USH1C: variants seen among roughly 807,000 people sequenced by gnomAD.
The protein encoded by USH1C is USH1 protein network component harmonin.
Under a neutral mutation model 119.3 loss-of-function variants are expected in USH1C, and 90 were observed. The ratio of observed to expected loss-of-function variants is 0.75; its 90% CI spans 0.64 to 0.90. USH1C has a LOEUF of 0.90. Ranked by LOEUF, USH1C falls within the 40% of genes least tolerant of loss-of-function variation. USH1C has a pLI of 0.00. For missense variants in USH1C, 1,165 were observed against 1,167.7 expected, an observed-to-expected ratio of 1.00 and a Z score of 0.03; for synonymous variants, 465 against 443.3, an observed-to-expected ratio of 1.05 and a Z score of -0.62.
At chr11:17,502,702 G>A (rs202016274) in intron 20 of USH1C, among the ~76,000 whole-genome samples, 1 of 152,228 alleles carries the variant, frequency 6.6e-6, no homozygotes, top group Admixed American at 6.5e-5. Flanking sequence ...GCTCCAGGGT[G>A]TAGAAACAAG....
intron 12 of USH1C, 26 bp downstream of exon 12, chr11:17,522,758 G>A (rs370832201): frequency 3.1e-6 from 5 of 1,613,670 alleles, no homozygotes; most frequent in Non-Finnish European, 4.2e-6. Flanking sequence ...AGGCGGGACA[G>A]GGCATCCAGG....
At chr11:17,495,474 C>T (rs554310705) in intron 26 of USH1C, 95 bp downstream of exon 26, 46 of 1,301,214 alleles carry the variant, frequency 3.5e-5, no homozygotes, top group South Asian at 1.3e-4. Context: ...ACCCTCCAGA[C>T]GCCAGTCCAA....
In USH1C at chr11:17,520,982, C is replaced by T. The variant is rs1321700701; in HGVS notation, c.1098G>A (p.Glu366=). The part of the protein sequence containing the change: ...YRKEMEQIVE[E]EEKFKKQWEE... Reference sequence around the variant, plus strand: ...CCCATTGCTTCTTAAACTTCTCTTCCTCCTCTACAATCCTAAAATGAGACC... The same window carrying T: ...CCCATTGCTTCTTAAACTTCTCTTCTTCCTCTACAATCCTAAAATGAGACC... The change falls in exon 14 of 27, where the codon GAG becomes GAA. Residue 366 remains glutamate (E), a synonymous_variant. Transcript: ENST00000005226. 6.2e-7 allele frequency: 1 copy of T among 1,613,942 alleles called. No individual in the cohort carries two copies. Among genetic ancestry groups the T allele is most frequent in the African/African-American group, 1.3e-5 (1 of 74,872 alleles).
chr11:17,537,879 T>C (rs1851292432), intron 1 of USH1C, among the ~76,000 whole-genome samples: 1 of 152,164 alleles, frequency 6.6e-6, no homozygotes, highest in African/African-American at 2.4e-5. Flanking sequence ...ACTTTACAGA[T>C]GAGGAAACAG....
chr11:17,517,351 G>T, intron 14 of USH1C: 1 of 1,539,974 alleles, frequency 6.5e-7, no homozygotes, highest in Non-Finnish European at 8.8e-7. Context: ...GAGGAGGCGG[G>T]CAGGGTAAAG....
At position 17,526,438 on chromosome 11, in the gene USH1C, C is replaced by T. The variant is rs760703501; in HGVS notation, c.583G>A (p.Val195Met). ...VDQFVSESGGVRGSLGSPGNR... is the reference protein window; with the variant it reads ...VDQFVSESGGMRGSLGSPGNR... ...CCAGGGGAGCCCAGGCTGCCTCGCA[C>T]GCCCTGAAAGAGAGATAGAAGCAGA... The change falls in exon 8 of 27, where the codon GTG (valine) becomes ATG (methionine). Residue 195 changes from valine to methionine, a missense_variant. Val to Met is a conservative substitution (Grantham distance 21). Coordinates refer to ENST00000005226, the MANE Select transcript of USH1C (RefSeq NM_153676.4). 1.2e-5 allele frequency: 20 copies of T among 1,613,812 alleles called. No individual in the cohort carries two copies. Among genetic ancestry groups the T allele is most frequent in the East Asian group, 2.2e-5 (1 of 44,870 alleles).
At chr11:17,536,488 T>C (rs1252534282) in intron 1 of USH1C, among the ~76,000 whole-genome samples, 1 of 152,190 alleles carries the variant, frequency 6.6e-6, no homozygotes, top group African/African-American at 2.4e-5. Flanking sequence ...CACAGATCAC[T>C]TGGAGATGGT....
chr11:17,517,854 C>A (rs1357096631), intron 14 of USH1C, among the ~76,000 whole-genome samples: 1 of 152,202 alleles, frequency 6.6e-6, no homozygotes, highest in Non-Finnish European at 1.5e-5. Flanking sequence ...GGAGAACAGA[C>A]CCTCCAGCCT....
At chr11:17,529,536 A>G (rs1288962505) in intron 4 of USH1C, among the ~76,000 whole-genome samples, 2 of 152,214 alleles carry the variant, frequency 1.3e-5, no homozygotes, top group African/African-American at 4.8e-5. Flanking sequence ...AACCCCAGAC[A>G]GGTCAATGGA....
chr11:17,520,313 C>T (rs1850353724), intron 14 of USH1C, among the ~76,000 whole-genome samples: 1 of 152,126 alleles, frequency 6.6e-6, no homozygotes. Flanking sequence ...ACAGCCACAG[C>T]CCATAGCTGG....
At chr11:17,518,573 G>C (rs1327972534) in intron 14 of USH1C, among the ~76,000 whole-genome samples, 1 of 152,212 alleles carries the variant, frequency 6.6e-6, no homozygotes, top group Non-Finnish European at 1.5e-5. Context: ...AAAATGTTGG[G>C]GGTCTGCTGG....
intron 1 of USH1C, among the ~76,000 whole-genome samples, chr11:17,538,643 T>C (rs1040307576): frequency 6.6e-6 from 1 of 152,162 alleles, no homozygotes; most frequent in Non-Finnish European, 1.5e-5. Flanking sequence ...GCTAGATCTT[T>C]TCCTTTCATG....
chr11:17,535,055 C>G (rs542898989), intron 1 of USH1C, among the ~76,000 whole-genome samples: 2 of 152,226 alleles, frequency 1.3e-5, no homozygotes, highest in Non-Finnish European at 2.9e-5. Flanking sequence ...GGCAGGGGTG[C>G]CTCCCTGAGA....
chr11:17,498,639 A>G (rs979241053), intron 23 of USH1C, among the ~76,000 whole-genome samples: 3 of 152,056 alleles, frequency 2.0e-5, no homozygotes, highest in Non-Finnish European at 4.4e-5. Flanking sequence ...CAGGTCCCTG[A>G]GCTGCCATGC....
At chr11:17,536,421 A>G (rs2133942066) in intron 1 of USH1C, among the ~76,000 whole-genome samples, 1 of 152,332 alleles carries the variant, frequency 6.6e-6, no homozygotes, top group East Asian at 1.9e-4. Context: ...TAGAAGAGTA[A>G]GGTAACTTGC....
intron 15 of USH1C, among the ~76,000 whole-genome samples, chr11:17,513,125 T>C (rs72868496): frequency 0.063 from 9,644 of 152,244 alleles, 430 homozygotes; most frequent in South Asian, 0.23. Context: ...TAACTGATAG[T>C]ACCAGGATTT....
rs1232763172 is a variant in USH1C, at chr11:17,509,355, C to A, written c.2013+1G>T. On this transcript the variant is annotated splice_donor_variant, in intron 18 of 26. Transcript: ENST00000005226. LOFTEE classifies it high-confidence loss of function. ...CATAGCATGCAGAACAGGGACATTA[C>A]CTTTGGGGTGGGTGGGAAGCTCTGT... The A allele has an allele frequency of 1.9e-6, 3 of 1,575,012 alleles. No homozygotes were observed. The highest frequency in any genetic ancestry group is 1.3e-5 in the African/African-American group (1 of 74,202).
chr11:17,506,806 G>T (rs939549700), intron 18 of USH1C, among the ~76,000 whole-genome samples: 1 of 151,994 alleles, frequency 6.6e-6, no homozygotes, highest in Admixed American at 6.6e-5. Flanking sequence ...TGCTTCCTCC[G>T]TCTCCACGCT....
Position 17,494,082 on chromosome 11 carries a change from A to C in USH1C, c.*250T>G. On this transcript the variant is annotated 3_prime_UTR_variant, in exon 27 of 27. Transcript: ENST00000005226. The stretch of plus-strand genomic sequence containing the variant: ...AGACCAAATTCACTGGGCCAGAGGA[A>C]AGGAATGAGAGTCTGGATCCTTGAG... The C allele has an allele frequency of 3.7e-6, 2 of 546,954 alleles. No homozygotes were observed. The highest frequency in any genetic ancestry group is 5.1e-4 in the Middle Eastern group (1 of 1,958). 33.9% of individuals were successfully genotyped at this position (546,954 alleles called of 1,614,324 possible). A position where few individuals can be genotyped will look rare whatever the true frequency, so the allele number is the denominator to read the frequency against.
Sources: gnomAD v4.1 joint callset for allele counts (sites outside exome capture counted in the v4.1 genomes callset) on GRCh38, gnomAD v4.1.1 for gene constraint, MANE v1.5 for transcripts, NCBI Gene and HGNC (gene_info 2026-07-23, HGNC 2026-07-21) for gene names.